The following MAP2K2 variants were observed in gnomAD, a reference collection of about 807,000 sequenced individuals.
MAP2K2 encodes the protein mitogen-activated protein kinase kinase 2.
A neutral mutation model predicts 43.7 loss-of-function variants in MAP2K2; 24 were observed. The ratio of observed to expected loss-of-function variants is 0.55; its 90% confidence interval spans 0.40 to 0.77. The LOEUF (loss-of-function observed/expected upper bound fraction) is 0.77. MAP2K2 is among the 30% of genes least tolerant of loss of function. MAP2K2 has a pLI of 0.00. For missense variants in MAP2K2, 470 were observed against 566.8 expected (o/e 0.83, Z 1.73); for synonymous variants, 244 against 239.7 (o/e 1.02, Z -0.17).
At chr19:4,107,914 C>T (rs1217615324) in intron 3 of MAP2K2, among the ~76,000 whole-genome samples, 3 of 152,146 alleles carry the variant, frequency 2.0e-5, no homozygotes, top group Non-Finnish European at 2.9e-5. Context: ...ACAGCAGAAG[C>T]GGCAAGAGTC....
At chr19:4,119,855 G>A (rs949608430) in intron 1 of MAP2K2, among the ~76,000 whole-genome samples, 1 of 152,234 alleles carries the variant, frequency 6.6e-6, no homozygotes, top group East Asian at 1.9e-4. Flanking sequence ...GGCGTGGACT[G>A]CTCCTTCCAT....
At chr19:4,109,196 C>G (rs1045222297) in intron 3 of MAP2K2, among the ~76,000 whole-genome samples, 3 of 152,140 alleles carry the variant, frequency 2.0e-5, no homozygotes, top group Non-Finnish European at 4.4e-5. Flanking sequence ...GCGGGGTCGG[C>G]AGCATTTCCT....
chr19:4,123,096 C>G (rs969639426), intron 1 of MAP2K2, among the ~76,000 whole-genome samples: 2 of 151,602 alleles, frequency 1.3e-5, no homozygotes, highest in Non-Finnish European at 2.9e-5. Context: ...ACTACGGCAA[C>G]CTTTACTCCG....
At chr19:4,103,360 G>A (rs746016700) in intron 3 of MAP2K2, 6 of 663,422 alleles carry the variant, frequency 9.0e-6, no homozygotes, top group Non-Finnish European at 1.1e-5. Flanking sequence ...AAAACCCCAG[G>A]CACTGGGAGC....
intron 4 of MAP2K2, 45 bp downstream of exon 4, chr19:4,102,331 T>G (rs2041024760): frequency 1.3e-6 from 2 of 1,499,322 alleles, no homozygotes; most frequent in Non-Finnish European, 1.8e-6. Flanking sequence ...AAGAGGTCCG[T>G]GCAGAGTGCG....
rs976298564 is a variant in MAP2K2, at chr19:4,101,419, G to A, written c.529-139C>T. On this transcript the variant is annotated intron_variant, in intron 4 of 10. Transcript: ENST00000262948. This position sits in a 1 kb window ranked among gnomAD's most constrained non-coding sequence, Gnocchi z 6.3. ...AACCATTTCAGGCTGTGAGGAGCTCGCTGGGGTGGAGCAAGCGAGGCCAGA... is the reference window on the plus strand; with the variant it reads ...AACCATTTCAGGCTGTGAGGAGCTCACTGGGGTGGAGCAAGCGAGGCCAGA... 31 of 940,884 alleles carry A rather than the reference G, an allele frequency of 3.3e-5. No individual in the cohort carries two copies. Among genetic ancestry groups the A allele is most frequent in the Middle Eastern group, 6.2e-4 (2 of 3,224 alleles). 58.3% of individuals were successfully genotyped at this position (940,884 alleles called of 1,614,324 possible).
chr19:4,123,245 T>G (rs1317120358), intron 1 of MAP2K2, among the ~76,000 whole-genome samples: 2 of 149,950 alleles, frequency 1.3e-5, no homozygotes, highest in Non-Finnish European at 3.0e-5. Context: ...GGGACACCCC[T>G]CATTCCGATT....
intron 7 of MAP2K2, 39 bp downstream of exon 7, chr19:4,099,162 C>T (rs1361535855): frequency 7.7e-6 from 12 of 1,551,852 alleles, no homozygotes; most frequent in Non-Finnish European, 9.6e-6. Flanking sequence ...GCGCAGGGCA[C>T]TGCGCGTCCA....
chr19:4,102,796 C>T, intron 3 of MAP2K2: 1 of 1,245,662 alleles, frequency 8.0e-7, no homozygotes, highest in Non-Finnish European at 1.0e-6. Flanking sequence ...AGCTGTGGGG[C>T]CCGCACTCCC....
intron 1 of MAP2K2, among the ~76,000 whole-genome samples, chr19:4,119,093 G>C (rs537841890): frequency 1.3e-5 from 2 of 152,132 alleles, no homozygotes; most frequent in African/African-American, 2.4e-5. Context: ...GGGGTGCAGC[G>C]GCACGATTAC....
rs1438461134 is a variant in MAP2K2 at position 4,092,551 on chromosome 19, T to C, written c.1093-1843A>G. Among the ~76,000 whole-genome samples the C allele has an allele frequency of 2.0e-5, 3 of 151,998 alleles. No homozygotes were observed. The South Asian group carries it at 6.2e-4, about 31-fold the overall frequency. On this transcript the variant is annotated intron_variant, in intron 10 of 10. Coordinates refer to ENST00000262948, the MANE Select transcript of MAP2K2 (RefSeq NM_030662.4). ...TTGCAGTGAGCCGAGATTGCGCCAC[T>C]GCACTCCAGCCTGGGCAACAGAGCA... is the stretch of plus-strand genomic sequence containing the variant.
In MAP2K2 at chr19:4,115,825, C is replaced by T. The variant is rs1000223458; in HGVS notation, c.303+1594G>A. On this transcript the variant is annotated intron_variant, in intron 2 of 10. Transcript: ENST00000262948. The surrounding 1 kb of genome is among the most constrained non-coding windows in gnomAD (Gnocchi z 4.1). ...ATGGTGGGCTTCCAGGAAGAGGCAGCGTTCTAGGTCTGAAAGAACACCGGT... is the reference window on the plus strand; with the variant it reads ...ATGGTGGGCTTCCAGGAAGAGGCAGTGTTCTAGGTCTGAAAGAACACCGGT... 1.2e-4 allele frequency among the ~76,000 whole-genome samples: 19 copies of T among 152,208 alleles called. No individual in the cohort carries two copies. The highest frequency in any genetic ancestry group is 5.2e-4 in the Admixed American group (8 of 15,276).
intron 1 of MAP2K2, among the ~76,000 whole-genome samples, chr19:4,120,173 G>A (rs978632655): frequency 7.9e-5 from 12 of 152,192 alleles, no homozygotes; most frequent in African/African-American, 2.7e-4. Flanking sequence ...TCCCCCATGA[G>A]GGGAAACAGG....
chr19:4,091,216 C>T (rs1296286564), intron 10 of MAP2K2, among the ~76,000 whole-genome samples: 10 of 152,348 alleles, frequency 6.6e-5, no homozygotes, highest in Middle Eastern at 3.4e-3. Context: ...CACAGAACTC[C>T]GCGAAGAGCA....
In MAP2K2 at chr19:4,115,196, C is replaced by T. The variant is rs139096004; in HGVS notation, c.303+2223G>A. Among the ~76,000 whole-genome samples the T allele has an allele frequency of 1.1e-4, 17 of 152,302 alleles. No homozygotes were observed. The East Asian group carries it at 3.3e-3, about 29-fold the overall frequency. Reference sequence around the variant, plus strand: ...CATCTTACATGACGGAAGGACAGTACTGACACCCAGAGCTGATGCTGGGAC... The same window carrying T: ...CATCTTACATGACGGAAGGACAGTATTGACACCCAGAGCTGATGCTGGGAC... On this transcript the variant is annotated intron_variant, in intron 2 of 10. Transcript: ENST00000262948. The surrounding 1 kb of genome is among the most constrained non-coding windows in gnomAD (Gnocchi z 4.1).
chr19:4,099,106 CA>C (rs1329647515), intron 7 of MAP2K2, 94 bp downstream of exon 7: 2 of 1,071,522 alleles, frequency 1.9e-6, no homozygotes, highest in Non-Finnish European at 2.7e-6. Flanking sequence ...GGTGGTGCGC[CA>C]GGGGCAGAGG....
intron 4 of MAP2K2, 34 bp downstream of exon 4, chr19:4,102,342 G>C (rs1410429909): frequency 6.5e-7 from 1 of 1,545,176 alleles, no homozygotes; most frequent in South Asian, 1.2e-5. Flanking sequence ...GCAGAGTGCG[G>C]TGGGGGCGCG....
In MAP2K2 at chr19:4,095,533, TG is replaced by T. The variant is rs2040906590; in HGVS notation, c.985-85del. 5.9e-6 allele frequency: 7 copies of T among 1,190,048 alleles called. No individual in the cohort carries two copies. In the South Asian group the frequency reaches 9.4e-5, roughly 16 times the overall value. 73.7% of individuals were successfully genotyped at this position (1,190,048 alleles called of 1,614,324 possible). ...CAGCCCTCTCTACCCCTCACTGTCCTGTCCGGTCACCCACCCTGCAGGCCTG... is the reference window on the plus strand; with the variant it reads ...CAGCCCTCTCTACCCCTCACTGTCCTTCCGGTCACCCACCCTGCAGGCCTG... On this transcript the variant is annotated intron_variant, in intron 8 of 10. Transcript: ENST00000262948.
At chr19:4,123,536 CGCCCCGTCCTCCGAGGGCCCCCT>C (rs1327885857) in intron 1 of MAP2K2, among the ~76,000 whole-genome samples, 4 of 135,576 alleles carry the variant, frequency 3.0e-5, no homozygotes, top group East Asian at 2.2e-4. Context: ...GTGCACCCTT[CGCCCCGTCCTCCGAGGGCCCCCT>C]GCCCCGTCCT....
Sources: allele counts gnomAD v4.1 joint callset (sites outside exome capture counted in the v4.1 genomes callset), GRCh38; gene constraint gnomAD v4.1.1; non-coding constraint Gnocchi (gnomAD v3.1); transcripts MANE v1.5; gene names NCBI Gene and HGNC (gene_info 2026-07-23, HGNC 2026-07-21).